Variants in CNIH3 observed in about 807,000 individuals in gnomAD.
The protein encoded by CNIH3 is cornichon family AMPA receptor auxiliary protein 3.
In CNIH3, 14 loss-of-function variants were observed where a neutral mutation model predicts 24.1. The observed-to-expected ratio is 0.58, with a 90% CI of 0.38 to 0.91. The LOEUF (loss-of-function observed/expected upper bound fraction) is 0.91. Among genes scored for constraint, CNIH3 ranks in the 40% least tolerant of loss-of-function variants. The pLI, the probability that CNIH3 is intolerant of heterozygous loss-of-function variation, is 0.00. For missense variants in CNIH3, 178 were observed against 196.8 expected, an observed-to-expected ratio of 0.90 and a Z score of 0.57; for synonymous variants, 68 against 73.8, an observed-to-expected ratio of 0.92 and a Z score of 0.40.
At chr1:224,529,744 T>C (rs1464440512) in intron 2 of CNIH3, among the ~76,000 whole-genome samples, 4 of 152,180 alleles carry the variant, frequency 2.6e-5, no homozygotes, top group Non-Finnish European at 5.9e-5. Flanking sequence ...AGGGACTCCA[T>C]GGGGAAAATG....
At chr1:224,510,590 C>T (rs1385849378) in intron 1 of CNIH3, among the ~76,000 whole-genome samples, 3 of 133,336 alleles carry the variant, frequency 2.2e-5, no homozygotes, top group African/African-American at 9.2e-5. Flanking sequence ...GAACAGGACC[C>T]TGTCTCAAAA....
At chr1:224,493,764 G>T (rs1349232683) in intron 1 of CNIH3, among the ~76,000 whole-genome samples, 1 of 152,172 alleles carries the variant, frequency 6.6e-6, no homozygotes, top group African/African-American at 2.4e-5. Context: ...CAAGCTGTTT[G>T]TGTAGGTTGG....
chr1:224,557,654 G>T (rs1159115336), intron 3 of CNIH3, among the ~76,000 whole-genome samples: 3 of 152,058 alleles, frequency 2.0e-5, no homozygotes, highest in African/African-American at 7.2e-5. Flanking sequence ...AGGGGGTTTT[G>T]CCATGTTGGC....
chr1:224,620,752 C>A (rs1572601922), intron 1 of CNIH3, among the ~76,000 whole-genome samples: 1 of 152,038 alleles, frequency 6.6e-6, no homozygotes, highest in South Asian at 2.1e-4. Flanking sequence ...GTAATCCCAG[C>A]ACTTTGGGAG....
chr1:224,681,102 G>A, intron 2 of CNIH3, 76 bp downstream of exon 2: 1 of 1,247,952 alleles, frequency 8.0e-7, no homozygotes, highest in Non-Finnish European at 1.2e-6. Context: ...GGGTGAGAAT[G>A]TGAATGATTT....
intron 1 of CNIH3, among the ~76,000 whole-genome samples, chr1:224,437,548 G>A (rs965367206): frequency 1.3e-5 from 2 of 152,166 alleles, no homozygotes; most frequent in South Asian, 2.1e-4. Context: ...TTGAGGGCAC[G>A]ATCTGTGTAT....
intron 1 of CNIH3, among the ~76,000 whole-genome samples, chr1:224,658,499 T>C (rs1685200210): frequency 6.6e-6 from 1 of 152,140 alleles, no homozygotes; most frequent in Non-Finnish European, 1.5e-5. Flanking sequence ...GAAATTTTGC[T>C]TTTGGAAAAT....
At chr1:224,690,648 C>T (rs188903546) in intron 3 of CNIH3, among the ~76,000 whole-genome samples, 2 of 152,206 alleles carry the variant, frequency 1.3e-5, no homozygotes. Context: ...CCCAGTTTCC[C>T]CAAGGATTTG....
At chr1:224,559,234 A>T (rs926458587) in intron 3 of CNIH3, among the ~76,000 whole-genome samples, 5 of 152,110 alleles carry the variant, frequency 3.3e-5, no homozygotes, top group Admixed American at 2.0e-4. Flanking sequence ...TTTGCTTCAG[A>T]GGATGTTTCT....
chr1:224,735,311 T>C (rs1689540355), intron 5 of CNIH3, among the ~76,000 whole-genome samples: 1 of 152,226 alleles, frequency 6.6e-6, no homozygotes, highest in African/African-American at 2.4e-5. Context: ...TTTTCACCTC[T>C]CCGCTCAGAA....
At chr1:224,543,277 A>G (rs1439292377) in intron 2 of CNIH3, among the ~76,000 whole-genome samples, 1 of 151,998 alleles carries the variant, frequency 6.6e-6, no homozygotes, top group Non-Finnish European at 1.5e-5. Context: ...CAGGAGCTCT[A>G]TGTGTGGGAT....
intron 1 of CNIH3, among the ~76,000 whole-genome samples, chr1:224,623,030 ACTGTCCTGTCCTTG>A (rs1683355212): frequency 6.6e-6 from 1 of 152,052 alleles, no homozygotes. Flanking sequence ...GCTCCTGGTC[ACTGTCCTGTCCTTG>A]CTGTCCTGCA....
In CNIH3 at chr1:224,634,078, G is replaced by A. The variant is rs1344633126; in HGVS notation, c.81+16823G>A. Reference sequence around the variant, plus strand: ...CTTGTGGCCCTGAACATGCTTCCCTGCAAGGGGATGACTACCCACCGCCCC... The same window carrying A: ...CTTGTGGCCCTGAACATGCTTCCCTACAAGGGGATGACTACCCACCGCCCC... On this transcript the variant is annotated intron_variant, in intron 1 of 5. Coordinates refer to ENST00000272133, the MANE Select transcript of CNIH3 (RefSeq NM_152495.2). 2.0e-5 allele frequency among the ~76,000 whole-genome samples: 3 copies of A among 152,320 alleles called. No homozygotes were observed. The East Asian group carries it at 5.8e-4, about 29-fold the overall frequency.
At chr1:224,463,872 C>A (rs547861916) in intron 1 of CNIH3, among the ~76,000 whole-genome samples, 3 of 137,092 alleles carry the variant, frequency 2.2e-5, no homozygotes, top group African/African-American at 8.3e-5. Flanking sequence ...TTTACTGCAA[C>A]CTCTGCCTCC....
chr1:224,637,601 A>T (rs1684157714), intron 1 of CNIH3, among the ~76,000 whole-genome samples: 1 of 151,812 alleles, frequency 6.6e-6, no homozygotes, highest in Admixed American at 6.6e-5. Context: ...ACAAAACCAC[A>T]CCCTTTCTCC....
chr1:224,482,917 G>C (rs1267403951), intron 1 of CNIH3, among the ~76,000 whole-genome samples: 1 of 152,128 alleles, frequency 6.6e-6, no homozygotes, highest in African/African-American at 2.4e-5. Context: ...TTCAAGTTCT[G>C]ACCAGTGGAG....
intron 1 of CNIH3, among the ~76,000 whole-genome samples, chr1:224,648,703 A>G (rs1684734344): frequency 6.6e-6 from 1 of 152,128 alleles, no homozygotes; most frequent in Non-Finnish European, 1.5e-5. Flanking sequence ...GTTTCTGAAG[A>G]TGGTGTAGAC....
intron 1 of CNIH3, among the ~76,000 whole-genome samples, chr1:224,499,524 C>G (rs1285880248): frequency 6.6e-6 from 1 of 152,174 alleles, no homozygotes; most frequent in Non-Finnish European, 1.5e-5. Context: ...TTTCCTAAAA[C>G]AGATTTGATG....
At chr1:224,503,514 C>T (rs1677770911) in intron 1 of CNIH3, among the ~76,000 whole-genome samples, 1 of 152,226 alleles carries the variant, frequency 6.6e-6, no homozygotes, top group African/African-American at 2.4e-5. Context: ...TGCAACCCCA[C>T]CGGGCCTCCC....
Sources: gnomAD v4.1 joint callset for allele counts (sites outside exome capture counted in the v4.1 genomes callset) on GRCh38, gnomAD v4.1.1 for gene constraint, MANE v1.5 for transcripts, NCBI Gene and HGNC (gene_info 2026-07-23, HGNC 2026-07-21) for gene names.